Variants in RAB11B observed in about 807,000 individuals in gnomAD.
RAB11B encodes ras-related protein Rab-11B.
Under a neutral mutation model 23.7 loss-of-function variants are expected in RAB11B, and 7 were observed. The ratio of observed to expected loss-of-function variants is 0.29; its 90% CI spans 0.17 to 0.55. The LOEUF is 0.55. Ranked by LOEUF, RAB11B falls within the 20% of genes least tolerant of loss-of-function variation. RAB11B has a pLI of 0.93. For missense variants in RAB11B, 189 were observed against 320.0 expected (o/e 0.59, Z 3.12); for synonymous variants, 138 against 132.0 (o/e 1.05, Z -0.31).
At chr19:8,391,484 CA>C (rs1454991037) in intron 1 of RAB11B, among the ~76,000 whole-genome samples, 6 of 152,228 alleles carry the variant, frequency 3.9e-5, no homozygotes, top group African/African-American at 1.4e-4. Flanking sequence ...GTAGATCAGG[CA>C]GCCATTGCCC....
intron 3 of RAB11B, 61 bp from the exon 4 acceptor site, chr19:8,402,424 G>C: frequency 6.4e-7 from 1 of 1,574,118 alleles, no homozygotes; most frequent in Non-Finnish European, 8.7e-7. Context: ...GGGTCCCTGA[G>C]AGCATGTGGG....
At chr19:8,400,979 C>T (rs1358666298) in intron 2 of RAB11B, among the ~76,000 whole-genome samples, 3 of 152,208 alleles carry the variant, frequency 2.0e-5, no homozygotes, top group African/African-American at 7.2e-5. Flanking sequence ...GCCCCCTTGA[C>T]CTCCCAGGCT....
intron 1 of RAB11B, among the ~76,000 whole-genome samples, chr19:8,398,138 G>A (rs1397292383): frequency 6.6e-6 from 1 of 152,160 alleles, no homozygotes; most frequent in African/African-American, 2.4e-5. Context: ...CCATGGCTGG[G>A]ACAGGAAACA....
At position 8,403,491 on chromosome 19, in the gene RAB11B, A is replaced by C. The variant is rs1483430107; in HGVS notation, c.590A>C (p.Asp197Ala). Reference sequence around the variant, plus strand: ...GAGTCCCCGGGGAACAACGTGGTGGACATCAGCGTGCCGCCCACCACGGAC... The same window carrying C: ...GAGTCCCCGGGGAACAACGTGGTGGCCATCAGCGTGCCGCCCACCACGGAC... ...HDESPGNNVV[D>A]ISVPPTTDGQ... The change falls in exon 5 of 5, where the codon GAC (aspartate) becomes GCC (alanine). Residue 197 changes from aspartate to alanine, a missense_variant. Transcript: ENST00000328024. 14 of 1,614,012 alleles carry C rather than the reference A, an allele frequency of 8.7e-6. No homozygotes were observed. The highest frequency in any genetic ancestry group is 1.1e-5 in the Non-Finnish European group (13 of 1,179,930).
rs554179969 is a variant in RAB11B, at chr19:8,401,991, G to A, written c.237-95G>A. 8.0e-5 allele frequency: 107 copies of A among 1,340,156 alleles called. No individual in the cohort carries two copies. The African/African-American group carries it at 1.2e-3, about 15-fold the overall frequency. 83.0% of individuals were successfully genotyped at this position (1,340,156 alleles called of 1,614,324 possible). ...ACTGCCCCTTGGCTCGGCCCTGGAC[G>A]ACCCACCCTGGGCGTGATGTGTGCT... On this transcript the variant is annotated intron_variant, in intron 2 of 4. Coordinates refer to ENST00000328024, the MANE Select transcript of RAB11B (RefSeq NM_004218.4).
At chr19:8,394,822 C>T (rs564935386) in intron 1 of RAB11B, among the ~76,000 whole-genome samples, 7 of 152,286 alleles carry the variant, frequency 4.6e-5, no homozygotes, top group South Asian at 2.1e-4. Flanking sequence ...CCCGGCTACT[C>T]GGGAGGCTGA....
At position 8,390,446 on chromosome 19, in the gene RAB11B, C is replaced by T. The variant is rs1971338137; in HGVS notation, c.30C>T (p.Tyr10=). ...GGACCCGGGACGACGAGTACGACTA[C>T]CTATTCAAAGGTGCGGCCGGTGGGG... MGTRDDEYD[Y]LFKVVLIGDS... The change falls in exon 1 of 5, where the codon TAC becomes TAT. Residue 10 remains tyrosine, a synonymous_variant. Transcript: ENST00000328024. 2 of 1,513,340 alleles carry T rather than the reference C, an allele frequency of 1.3e-6. No homozygotes were observed. The highest frequency in any genetic ancestry group is 1.8e-6 in the Non-Finnish European group (2 of 1,136,652). The allele number at this position is 1,513,340 out of a possible 1,614,324, so 93.7% of individuals were successfully genotyped here.
chr19:8,397,543 T>G (rs1222915386), intron 1 of RAB11B, among the ~76,000 whole-genome samples: 1 of 151,792 alleles, frequency 6.6e-6, no homozygotes. Context: ...GGCGAAAGCG[T>G]GCTTGGTTTG....
Position 8,403,600 on chromosome 19 carries a change from G to GC in RAB11B, c.*47dup. On this transcript the variant is annotated 3_prime_UTR_variant, in exon 5 of 5. Coordinates refer to ENST00000328024, the MANE Select transcript of RAB11B (RefSeq NM_004218.4). ...CAGCGTGCGTGCACGTCCTCCGCCC[G>GC]CCCCCGCCACGGTATCCTCTGGCCC... 6.3e-7 allele frequency: 1 copy of GC among 1,577,576 alleles called. No homozygotes were observed. The highest frequency in any genetic ancestry group is 8.6e-7 in the Non-Finnish European group (1 of 1,157,974).
At chr19:8,402,300 G>T in intron 3 of RAB11B, 21 bp downstream of exon 3, 1 of 1,544,462 alleles carries the variant, frequency 6.5e-7, no homozygotes, top group South Asian at 1.2e-5. Context: ...GGAGACGCAG[G>T]CATCAGAGAG....
Position 8,399,759 on chromosome 19 carries a change from G to A in RAB11B, c.41-104G>A, listed in dbSNP as rs140931118. The A allele has an allele frequency of 5.7e-3, 7,612 of 1,331,822 alleles. 27 individuals are homozygous for A. Among genetic ancestry groups the A allele is most frequent in the Non-Finnish European group, 7.2e-3 (6,834 of 955,084 alleles). 82.5% of individuals were successfully genotyped at this position (1,331,822 alleles called of 1,614,324 possible). A position where few individuals can be genotyped will look rare whatever the true frequency, so the allele number is the denominator to read the frequency against. Reference sequence around the variant, plus strand: ...AGGCATCTCTCGACTCCTCCACACCGTTGGCAGCCGCGTTGGTGCAGCACC... The same window carrying A: ...AGGCATCTCTCGACTCCTCCACACCATTGGCAGCCGCGTTGGTGCAGCACC... On this transcript the variant is annotated intron_variant, in intron 1 of 4. Transcript: ENST00000328024.
Position 8,396,502 on chromosome 19 carries a change from A to G in RAB11B, c.41-3361A>G, listed in dbSNP as rs1005091932. Among the ~76,000 whole-genome samples, 6 of 152,038 alleles carry G rather than the reference A, an allele frequency of 3.9e-5. No homozygotes were observed. Among genetic ancestry groups the G allele is most frequent in the Non-Finnish European group, 8.8e-5 (6 of 68,018 alleles). ...GGGAGCAGGGTAATTCGGAGAGTAG[A>G]GTTTTAGTAGCATAGCAGGGAGGGC... On this transcript the variant is annotated intron_variant, in intron 1 of 4. Transcript: ENST00000328024. This position sits in a 1 kb window ranked among gnomAD's most constrained non-coding sequence, Gnocchi z 5.0.
At chr19:8,402,046 G>A in intron 2 of RAB11B, 40 bp from the exon 3 acceptor site, 1 of 1,526,844 alleles carries the variant, frequency 6.5e-7, no homozygotes, top group African/African-American at 1.4e-5. Flanking sequence ...GCTGCCCATG[G>A]TTGTCCTCCA....
At chr19:8,391,749 C>G (rs560584487) in intron 1 of RAB11B, among the ~76,000 whole-genome samples, 1 of 152,086 alleles carries the variant, frequency 6.6e-6, no homozygotes, top group Non-Finnish European at 1.5e-5. Context: ...GTGGCTTGCA[C>G]CAGGCCTAGC....
chr19:8,392,444 C>T (rs914122834), intron 1 of RAB11B, among the ~76,000 whole-genome samples: 3 of 137,212 alleles, frequency 2.2e-5, no homozygotes, highest in East Asian at 2.4e-4. Context: ...TGGCATTTGG[C>T]GGGCAGGCGG....
chr19:8,400,501 G>T (rs1048023462), intron 2 of RAB11B, among the ~76,000 whole-genome samples: 8 of 151,914 alleles, frequency 5.3e-5, no homozygotes, highest in Admixed American at 4.6e-4. Context: ...AAGCCCCCCA[G>T]CCATTCCCAC....
intron 1 of RAB11B, 103 bp from the exon 2 acceptor site, chr19:8,399,760 T>G: frequency 7.5e-7 from 1 of 1,336,724 alleles, no homozygotes; most frequent in Non-Finnish European, 1.0e-6. Context: ...CTCCACACCG[T>G]TGGCAGCCGC....
At chr19:8,392,319 G>A (rs962009996) in intron 1 of RAB11B, among the ~76,000 whole-genome samples, 1 of 152,200 alleles carries the variant, frequency 6.6e-6, no homozygotes, top group Non-Finnish European at 1.5e-5. Flanking sequence ...TTTCCTTGAA[G>A]TGCGTTCCCA....
chr19:8,394,241 C>T (rs1003084132), intron 1 of RAB11B, among the ~76,000 whole-genome samples: 12 of 152,174 alleles, frequency 7.9e-5, no homozygotes, highest in Non-Finnish European at 1.0e-4. Flanking sequence ...CTGCAACCTC[C>T]GCCTCCTGGG....
Sources: gnomAD v4.1 joint callset for allele counts (sites outside exome capture counted in the v4.1 genomes callset) on GRCh38, gnomAD v4.1.1 for gene constraint, Gnocchi (gnomAD v3.1) non-coding constraint, MANE v1.5 for transcripts, NCBI Gene and HGNC (gene_info 2026-07-23, HGNC 2026-07-21) for gene names.